The following PRKG1 variants were observed in gnomAD, a reference collection of about 807,000 sequenced individuals.
PRKG1 encodes protein kinase cGMP-dependent 1, also known as cGMP-dependent protein kinase 1.
PRKG1 carries 35 observed loss-of-function variants against 88.1 expected under a neutral mutation model. The observed-to-expected ratio is 0.40, with a 90% CI of 0.30 to 0.53. The LOEUF (loss-of-function observed/expected upper bound fraction) is 0.53, where lower values mean the gene tolerates loss of function less well. PRKG1 is among the 20% of genes least tolerant of loss of function. PRKG1 has a pLI of 0.59. For synonymous variants in PRKG1, 303 were observed against 292.5 expected (o/e 1.04, Z -0.37); for missense variants, 540 against 839.8 (o/e 0.64, Z 4.41).
At chr10:51,848,396 G>A (rs957034116) in intron 4 of PRKG1, among the ~76,000 whole-genome samples, 61 of 152,042 alleles carry the variant, frequency 4.0e-4, no homozygotes, top group African/African-American at 1.4e-3. Flanking sequence ...TCCCGCACCC[G>A]TCTTTTTTGT....
intron 2 of PRKG1, among the ~76,000 whole-genome samples, chr10:51,278,215 G>T (rs1840184157): frequency 6.6e-6 from 1 of 152,162 alleles, no homozygotes; most frequent in Admixed American, 6.5e-5. Context: ...AGATAATCAT[G>T]TGGTTTTTGT....
At chr10:51,677,153 G>A (rs1840730785) in intron 3 of PRKG1, among the ~76,000 whole-genome samples, 1 of 152,076 alleles carries the variant, frequency 6.6e-6, no homozygotes. Flanking sequence ...AATGTGTGAT[G>A]TCATTGGCTC....
At chr10:51,213,116 C>G (rs1192852113) in intron 2 of PRKG1, among the ~76,000 whole-genome samples, 1 of 152,138 alleles carries the variant, frequency 6.6e-6, no homozygotes, top group Non-Finnish European at 1.5e-5. Flanking sequence ...ACATATACAC[C>G]ATGGAATACT....
rs1200540954 is a variant in PRKG1 at position 51,743,480 on chromosome 10, G to A, written c.593-61105G>A. Among the ~76,000 whole-genome samples, 7 of 151,674 alleles carry A rather than the reference G, an allele frequency of 4.6e-5. No homozygotes were observed. In the South Asian group the frequency reaches 1.5e-3, roughly 32 times the overall value. On this transcript the variant is annotated intron_variant, in intron 3 of 17. Coordinates refer to ENST00000373980, the MANE Select transcript of PRKG1 (RefSeq NM_006258.4). ...ATCCCCAGGAGGAAGCCAGCGACAA[G>A]GCAACTGGCAGAAGTCTGTTGCCTC...
At chr10:51,015,796 A>G (rs1481498813) in intron 1 of PRKG1, among the ~76,000 whole-genome samples, 2 of 152,194 alleles carry the variant, frequency 1.3e-5, no homozygotes, top group African/African-American at 4.8e-5. Flanking sequence ...CTCAGGCAGG[A>G]GAATCGCTTG....
intron 4 of PRKG1, among the ~76,000 whole-genome samples, chr10:51,843,509 A>T (rs1038237225): frequency 6.6e-6 from 1 of 152,158 alleles, no homozygotes; most frequent in African/African-American, 2.4e-5. Context: ...GATTGAAATA[A>T]ATTTTTGGAG....
At chr10:51,284,865 C>CTTTTTTTTTTTTTTTTTTTTTTAGGTTT (rs1840395637) in intron 2 of PRKG1, among the ~76,000 whole-genome samples, 1 of 51,696 alleles carries the variant, frequency 1.9e-5, no homozygotes, top group African/African-American at 7.2e-5. Context: ...GTTGTGGGTA[C>CTTTTTTTTTTTTTTTTTTTTTTAGGTTT]TTTTTTTTTT....
intron 2 of PRKG1, among the ~76,000 whole-genome samples, chr10:51,327,341 C>T (rs1283226548): frequency 1.3e-5 from 2 of 149,544 alleles, no homozygotes; most frequent in East Asian, 2.0e-4. Context: ...TGCTTGAACT[C>T]GGGAGGCAGA....
intron 3 of PRKG1, among the ~76,000 whole-genome samples, chr10:51,712,865 A>G (rs747037441): frequency 6.6e-6 from 1 of 152,028 alleles, no homozygotes; most frequent in South Asian, 2.1e-4. Context: ...TCATCCTCAC[A>G]TAAGACAGCC....
rs1842783550 is a variant in PRKG1 at position 50,991,662 on chromosome 10, G to C, written c.266+18G>C. On this transcript the variant is annotated intron_variant, in intron 1 of 17. Transcript: ENST00000401604. The surrounding 1 kb of genome is among the most constrained non-coding windows in gnomAD (Gnocchi z 4.5). ...TCCGAAAGGTAGGCGCGGAGGCCGT[G>C]GGCCCGGGCGCTCGTCCCGGCCCGC... 1 of 1,469,606 alleles carries C rather than the reference G, an allele frequency of 6.8e-7. No individual in the cohort carries two copies. Among genetic ancestry groups the C allele is most frequent in the South Asian group, 1.3e-5 (1 of 76,744 alleles). The allele number at this position is 1,469,606 out of a possible 1,614,324, so 91.0% of individuals were successfully genotyped here.
intron 2 of PRKG1, among the ~76,000 whole-genome samples, chr10:51,236,276 C>A (rs1838985528): frequency 1.3e-5 from 2 of 152,098 alleles, no homozygotes; most frequent in African/African-American, 4.8e-5. Context: ...CTTAACTCTG[C>A]AATGATAACC....
chr10:51,894,111 C>T (rs1233482297), intron 4 of PRKG1, among the ~76,000 whole-genome samples: 1 of 152,088 alleles, frequency 6.6e-6, no homozygotes, highest in Admixed American at 6.6e-5. Context: ...AACCAGAATG[C>T]AGGCTGAAAA....
intron 3 of PRKG1, among the ~76,000 whole-genome samples, chr10:51,791,668 A>C (rs1053087905): frequency 6.6e-6 from 1 of 152,122 alleles, no homozygotes; most frequent in African/African-American, 2.4e-5. Context: ...CAGGTATATG[A>C]ATAACTATGA....
intron 2 of PRKG1, among the ~76,000 whole-genome samples, chr10:51,216,945 T>A (rs917504825): frequency 6.6e-6 from 1 of 152,166 alleles, no homozygotes; most frequent in East Asian, 1.9e-4. Context: ...AATAAAATCA[T>A]TGTCATTTTC....
intron 2 of PRKG1, among the ~76,000 whole-genome samples, chr10:51,336,051 A>G (rs879761894): frequency 4.6e-5 from 7 of 152,184 alleles, no homozygotes; most frequent in African/African-American, 7.2e-5. Flanking sequence ...CCAAAAATCA[A>G]TTAGAGAGCA....
chr10:52,010,790 C>A (rs1844860679), intron 5 of PRKG1, among the ~76,000 whole-genome samples: 1 of 152,040 alleles, frequency 6.6e-6, no homozygotes, highest in African/African-American at 2.4e-5. Flanking sequence ...GACTTGCAAC[C>A]AATGTTGTTA....
At chr10:52,211,875 G>GA (rs553940595) in intron 9 of PRKG1, among the ~76,000 whole-genome samples, 31 of 151,558 alleles carry the variant, frequency 2.0e-4, no homozygotes, top group Admixed American at 7.2e-4. Flanking sequence ...AAAAAAAATA[G>GA]AAAAAAAACT....
In PRKG1 at chr10:52,245,227, T is replaced by G. The variant is rs1840993870; in HGVS notation, c.1077-6343T>G. Among the ~76,000 whole-genome samples, 3 of 152,146 alleles carry G rather than the reference T, an allele frequency of 2.0e-5. No homozygotes were observed. In the South Asian group the frequency reaches 6.2e-4, roughly 31 times the overall value. On this transcript the variant is annotated intron_variant, in intron 9 of 17. Coordinates refer to ENST00000373980, the MANE Select transcript of PRKG1 (RefSeq NM_006258.4). ...TGTTCTTACTCCTTTTTCAAACTGT[T>G]TCTGTAGATAATTATTTACAGATTG...
chr10:52,163,137 T>C (rs1838324202), intron 9 of PRKG1, among the ~76,000 whole-genome samples: 1 of 151,922 alleles, frequency 6.6e-6, no homozygotes. Flanking sequence ...GCCTTTCTTA[T>C]GGTTGGGTTC....
Sources: allele counts gnomAD v4.1 joint callset (sites outside exome capture counted in the v4.1 genomes callset), GRCh38; gene constraint gnomAD v4.1.1; non-coding constraint Gnocchi (gnomAD v3.1); transcripts MANE v1.5; gene names NCBI Gene and HGNC (gene_info 2026-07-23, HGNC 2026-07-21).